KCNMA1: variants seen among roughly 807,000 people sequenced by gnomAD.
KCNMA1 encodes Calcium-activated potassium channel subunit alpha-1.
KCNMA1 carries 29 observed loss-of-function variants against 140.0 expected under a neutral mutation model. That is an observed-to-expected ratio of 0.21 (90% CI 0.15 to 0.28). KCNMA1 has a LOEUF of 0.28. Ranked by LOEUF, KCNMA1 falls within the 10% of genes least tolerant of loss-of-function variation. The probability of loss-of-function intolerance (pLI) is 1.00; values close to 1 mark genes in which losing one functional copy is unlikely to be tolerated. For synonymous variants in KCNMA1, 612 were observed against 611.9 expected (o/e 1.00, Z 0.00); for missense variants, 880 against 1,602.2 (o/e 0.55, Z 7.70).
chr10:77,284,849 C>A (rs1419377639), intron 2 of KCNMA1, among the ~76,000 whole-genome samples: 2 of 151,958 alleles, frequency 1.3e-5, no homozygotes, highest in Non-Finnish European at 2.9e-5. Context: ...AGCTAAATGC[C>A]AGTGTCATTC....
chr10:76,895,659 A>G (rs1242032133), intron 25 of KCNMA1, among the ~76,000 whole-genome samples: 3 of 152,212 alleles, frequency 2.0e-5, no homozygotes, highest in South Asian at 4.1e-4. Flanking sequence ...CCTTGAACAC[A>G]TTGTACTGAG....
intron 5 of KCNMA1, among the ~76,000 whole-genome samples, chr10:77,153,709 T>G (rs2098450844): frequency 6.6e-6 from 1 of 152,216 alleles, no homozygotes; most frequent in Non-Finnish European, 1.5e-5. Context: ...GATTTTTTTA[T>G]TCTGCATTTC....
At chr10:77,430,013 C>T (rs1393181708) in intron 1 of KCNMA1, among the ~76,000 whole-genome samples, 3 of 152,138 alleles carry the variant, frequency 2.0e-5, no homozygotes, top group African/African-American at 4.8e-5. Flanking sequence ...TACAAGAAAC[C>T]ATCCTCTCAC....
At chr10:77,596,531 G>T (rs2080985639) in intron 1 of KCNMA1, among the ~76,000 whole-genome samples, 1 of 152,154 alleles carries the variant, frequency 6.6e-6, no homozygotes, top group Non-Finnish European at 1.5e-5. Flanking sequence ...GAGATTGGGG[G>T]TTGGGGGAAC....
chr10:76,969,334 G>C (rs1202778590), intron 20 of KCNMA1, among the ~76,000 whole-genome samples: 2 of 149,492 alleles, frequency 1.3e-5, no homozygotes, highest in Non-Finnish European at 3.0e-5. Flanking sequence ...AGGAAGGGAG[G>C]AAAGGAGGGA....
At chr10:77,455,134 A>G (rs1358270804) in intron 1 of KCNMA1, among the ~76,000 whole-genome samples, 1 of 152,150 alleles carries the variant, frequency 6.6e-6, no homozygotes, top group Admixed American at 6.5e-5. Context: ...CATTTAAGTA[A>G]ACAGATATTT....
intron 1 of KCNMA1, among the ~76,000 whole-genome samples, chr10:77,520,157 G>GGGGTGTGTGGTGTGAGGGTGT (rs1567297795): frequency 7.2e-3 from 15 of 2,096 alleles, no homozygotes; most frequent in East Asian, 0.012. Context: ...TGTGAGGTCT[G>GGGGTGTGTGGTGTGAGGGTGT]GCATATGCAG....
At chr10:77,588,335 T>G (rs1276211529) in intron 1 of KCNMA1, among the ~76,000 whole-genome samples, 1 of 152,108 alleles carries the variant, frequency 6.6e-6, no homozygotes, top group African/African-American at 2.4e-5. Flanking sequence ...GCAATATTCA[T>G]GTAGGGGACA....
chr10:77,526,838 CTT>C (rs1012405695), intron 1 of KCNMA1, among the ~76,000 whole-genome samples: 7 of 152,104 alleles, frequency 4.6e-5, no homozygotes, highest in African/African-American at 1.4e-4. Flanking sequence ...CTCTCTCTCT[CTT>C]CCCCCTCTCC....
chr10:77,520,301 A>AGGTCTG (rs2052877742), intron 1 of KCNMA1, among the ~76,000 whole-genome samples: 8 of 141,204 alleles, frequency 5.7e-5, no homozygotes, highest in Non-Finnish European at 1.1e-4. Flanking sequence ...ATGCAGTGTG[A>AGGTCTG]GGGTGTGCAG....
At chr10:77,028,384 C>T (rs553317044) in intron 15 of KCNMA1, among the ~76,000 whole-genome samples, 7 of 152,212 alleles carry the variant, frequency 4.6e-5, no homozygotes, top group South Asian at 2.1e-4. Context: ...CAGCACATGA[C>T]GATGGCATTG....
chr10:77,432,355 G>A (rs900929028), intron 1 of KCNMA1, among the ~76,000 whole-genome samples: 16 of 152,258 alleles, frequency 1.1e-4, no homozygotes, highest in South Asian at 2.1e-4. Context: ...TATGCTCTTC[G>A]TAAAATCCAT....
chr10:77,295,504 G>A (rs550848709), intron 2 of KCNMA1, among the ~76,000 whole-genome samples: 17 of 152,178 alleles, frequency 1.1e-4, no homozygotes, highest in African/African-American at 1.7e-4. Flanking sequence ...TTTTCAGGCC[G>A]GGCGCGGTGG....
At chr10:77,206,967 A>T (rs1023427107) in intron 3 of KCNMA1, among the ~76,000 whole-genome samples, 6 of 152,130 alleles carry the variant, frequency 3.9e-5, no homozygotes, top group Non-Finnish European at 7.4e-5. Context: ...TTGTACTCAC[A>T]AAAAGGATTT....
At chr10:77,172,986 C>T (rs1409346419) in intron 5 of KCNMA1, among the ~76,000 whole-genome samples, 1 of 152,098 alleles carries the variant, frequency 6.6e-6, no homozygotes, top group East Asian at 1.9e-4. Flanking sequence ...GGGCTCCACC[C>T]TCATGATCTA....
intron 1 of KCNMA1, among the ~76,000 whole-genome samples, chr10:77,603,797 G>C (rs1515404): frequency 0.22 from 33,402 of 152,062 alleles, 3,965 homozygotes; most frequent in African/African-American, 0.27. Flanking sequence ...CCTCAGAAAG[G>C]CAATATGGCT....
intron 1 of KCNMA1, chr10:77,433,754 T>C (rs2097198611): frequency 1.3e-5 from 2 of 152,188 alleles, no homozygotes; most frequent in Non-Finnish European, 1.5e-5. Flanking sequence ...GCCATGTATC[T>C]GAGGTTTTGT....
chr10:77,307,235 T>C (rs1260885304), intron 2 of KCNMA1, among the ~76,000 whole-genome samples: 1 of 152,306 alleles, frequency 6.6e-6, no homozygotes, highest in African/African-American at 2.4e-5. Flanking sequence ...TCTTCTGGCC[T>C]TCAGAAATTT....
At chr10:77,192,207 A>G (rs2098944266) in intron 3 of KCNMA1, among the ~76,000 whole-genome samples, 2 of 152,200 alleles carry the variant, frequency 1.3e-5, no homozygotes, top group East Asian at 3.8e-4. Context: ...TTGCTAACAG[A>G]GAGAATGGAA....
Sources: allele counts gnomAD v4.1 joint callset (sites outside exome capture counted in the v4.1 genomes callset), GRCh38; gene constraint gnomAD v4.1.1; transcripts MANE v1.5; gene names NCBI Gene and HGNC (gene_info 2026-07-23, HGNC 2026-07-21).